The following SP140L variants were observed in gnomAD, a reference collection of about 807,000 sequenced individuals.
SP140L encodes SP140 like nuclear body protein.
Under a neutral mutation model 84.3 loss-of-function variants are expected in SP140L, and 64 were observed. That is an observed-to-expected ratio of 0.76 (90% CI 0.62 to 0.94). The LOEUF is 0.94. SP140L is among the 40% of genes least tolerant of loss of function. The pLI, the probability that SP140L is intolerant of heterozygous loss-of-function variation, is 0.00. For synonymous variants in SP140L, 242 were observed against 236.9 expected, an observed-to-expected ratio of 1.02 and a Z score of -0.20; for missense variants, 628 against 692.5, an observed-to-expected ratio of 0.91 and a Z score of 1.05.
intron 5 of SP140L, among the ~76,000 whole-genome samples, chr2:230,365,389 T>G (rs1022893928): frequency 2.6e-5 from 4 of 152,060 alleles, no homozygotes; most frequent in Admixed American, 2.6e-4. Context: ...TGTCTAGGAA[T>G]TTACCCATTT....
chr2:230,354,861 G>GAAAGA (rs1553617559), intron 2 of SP140L, among the ~76,000 whole-genome samples: 1 of 95,858 alleles, frequency 1.0e-5, no homozygotes, highest in Non-Finnish European at 2.2e-5. Context: ...AAGAAAGAAA[G>GAAAGA]AAAGAAAGAA....
chr2:230,372,885 A>T (rs1165711442), intron 7 of SP140L: 4 of 152,218 alleles, frequency 2.6e-5, no homozygotes, highest in Admixed American at 2.6e-4. Context: ...AATGCAAAGG[A>T]AAAGTTCTTG....
intron 15 of SP140L, 76 bp from the exon 16 acceptor site, chr2:230,400,879 A>G: frequency 7.4e-7 from 1 of 1,352,468 alleles, no homozygotes; most frequent in South Asian, 1.4e-5. Context: ...TTCCTGAAGG[A>G]AGACAGTGGT....
intron 2 of SP140L, among the ~76,000 whole-genome samples, chr2:230,335,752 C>T (rs907078404): frequency 4.6e-5 from 7 of 152,172 alleles, no homozygotes; most frequent in South Asian, 2.1e-4. Context: ...TGGAGAGGGA[C>T]GGTGTGAAGT....
chr2:230,371,172 G>A (rs554331021), intron 6 of SP140L, among the ~76,000 whole-genome samples: 10 of 152,328 alleles, frequency 6.6e-5, no homozygotes, highest in East Asian at 5.8e-4. Flanking sequence ...TATGGATGAC[G>A]TCATAGAATG....
intron 13 of SP140L, 151 bp from the exon 14 acceptor site, chr2:230,396,606 C>A: frequency 1.2e-6 from 1 of 817,712 alleles, no homozygotes; most frequent in Non-Finnish European, 1.9e-6. Flanking sequence ...GCACTGGAGC[C>A]ACCCCAGCCT....
chr2:230,386,226 G>T (rs934026726), intron 9 of SP140L, among the ~76,000 whole-genome samples: 1 of 152,110 alleles, frequency 6.6e-6, no homozygotes, highest in African/African-American at 2.4e-5. Flanking sequence ...CTAGGATGCG[G>T]GTGCTTGGAA....
Position 230,394,835 on chromosome 2 carries a change from G to A in SP140L, c.1155+1374G>A, listed in dbSNP as rs74644256. 5.2e-3 allele frequency among the ~76,000 whole-genome samples: 787 copies of A among 152,292 alleles called. 2 individuals carry two copies. Among genetic ancestry groups the A allele is most frequent in the African/African-American group, 0.018 (751 of 41,542 alleles). On this transcript the variant is annotated intron_variant, in intron 13 of 18. Coordinates refer to ENST00000415673, the MANE Select transcript of SP140L (RefSeq NM_138402.6). ...AGCCACTTGGCTTCTGGAAACTTCA[G>A]TGTCACTATCAGTGCCACATGATAA...
rs1313693656 is a variant in SP140L, at chr2:230,388,542, T to G, written c.785-17T>G. 4.4e-6 allele frequency: 7 copies of G among 1,592,464 alleles called. No individual in the cohort carries two copies. Among genetic ancestry groups the G allele is most frequent in the Non-Finnish European group, 5.1e-6 (6 of 1,171,122 alleles). The stretch of plus-strand genomic sequence containing the variant: ...CTGCTCATTTGTAACTGTGATTTTA[T>G]TATTCTACTTTCTCAGGGAGAAAGA... On this transcript the variant is annotated splice_polypyrimidine_tract_variant and intron_variant, in intron 9 of 18. Transcript: ENST00000415673.
chr2:230,342,810 C>G (rs931955964), intron 2 of SP140L, among the ~76,000 whole-genome samples: 2 of 149,026 alleles, frequency 1.3e-5, no homozygotes, highest in African/African-American at 4.9e-5. Flanking sequence ...AAAGATTTAT[C>G]CTTTTTTTTA....
At chr2:230,379,645 T>C (rs1280491834) in intron 7 of SP140L, among the ~76,000 whole-genome samples, 2 of 152,174 alleles carry the variant, frequency 1.3e-5, no homozygotes, top group African/African-American at 4.8e-5. Context: ...TTCTAGTGAG[T>C]GATCTCTAAG....
At chr2:230,341,467 C>T (rs2060040409) in intron 2 of SP140L, among the ~76,000 whole-genome samples, 1 of 143,398 alleles carries the variant, frequency 7.0e-6, no homozygotes, top group Non-Finnish European at 1.5e-5. Context: ...GTAATTTGAT[C>T]GTCTGAAGCC....
chr2:230,327,402 T>C, intron 1 of SP140L, 101 bp downstream of exon 1: 1 of 1,384,022 alleles, frequency 7.2e-7, no homozygotes, highest in Non-Finnish European at 1.0e-6. Context: ...TTAGTCCTGC[T>C]TTGCAAGAAC....
intron 2 of SP140L, among the ~76,000 whole-genome samples, chr2:230,350,346 T>C (rs1182251708): frequency 6.6e-6 from 1 of 152,252 alleles, no homozygotes; most frequent in Non-Finnish European, 1.5e-5. Flanking sequence ...AATAGCTATG[T>C]AATATTTCAA....
chr2:230,342,202 T>A (rs940490796), intron 2 of SP140L: 1 of 161,276 alleles, frequency 6.2e-6, no homozygotes, highest in African/African-American at 2.4e-5. Context: ...TGGTGCGCCG[T>A]TTTTTAAGCC....
At chr2:230,380,193 G>T (rs2061360652) in intron 7 of SP140L, among the ~76,000 whole-genome samples, 1 of 152,124 alleles carries the variant, frequency 6.6e-6, no homozygotes, top group Admixed American at 6.5e-5. Flanking sequence ...ACAAGTGAAA[G>T]GGGTTTCCTT....
chr2:230,342,198 G>A (rs754182036), intron 2 of SP140L: 8 of 161,666 alleles, frequency 4.9e-5, no homozygotes, highest in East Asian at 1.8e-4. Flanking sequence ...CTCGTGGTGC[G>A]CCGTTTTTTA....
At chr2:230,382,661 A>G (rs1336851932) in intron 7 of SP140L, among the ~76,000 whole-genome samples, 2 of 152,194 alleles carry the variant, frequency 1.3e-5, no homozygotes, top group African/African-American at 4.8e-5. Flanking sequence ...AGAATGAGGC[A>G]TCATCCCTAG....
intron 9 of SP140L, among the ~76,000 whole-genome samples, chr2:230,388,259 A>G (rs2061667402): frequency 6.6e-6 from 1 of 152,196 alleles, no homozygotes; most frequent in Admixed American, 6.5e-5. Context: ...TGAAACTTCA[A>G]AATATGAAAT....
Sources: gnomAD v4.1 joint callset for allele counts (sites outside exome capture counted in the v4.1 genomes callset) on GRCh38, gnomAD v4.1.1 for gene constraint, MANE v1.5 for transcripts, NCBI Gene and HGNC (gene_info 2026-07-23, HGNC 2026-07-21) for gene names.